Variants in NQO1 observed in about 807,000 individuals in gnomAD.
NQO1 encodes the protein NAD(P)H dehydrogenase [quinone] 1.
NQO1 carries 30 observed loss-of-function variants against 32.1 expected under a neutral mutation model. The observed-to-expected ratio is 0.94, with a 90% CI of 0.70 to 1.27. The LOEUF (loss-of-function observed/expected upper bound fraction) is 1.27. Ranked by LOEUF, NQO1 falls within the 50% of genes most tolerant of loss-of-function variation. The probability of loss-of-function intolerance (pLI) is 0.00; values close to 1 mark genes in which losing one functional copy is unlikely to be tolerated. For synonymous variants in NQO1, 109 were observed against 119.7 expected, an observed-to-expected ratio of 0.91 and a Z score of 0.59; for missense variants, 276 against 331.3, an observed-to-expected ratio of 0.83 and a Z score of 1.30.
chr16:69,717,630 GA>G (rs1420232509), intron 3 of NQO1, among the ~76,000 whole-genome samples: 1 of 147,886 alleles, frequency 6.8e-6, no homozygotes, highest in African/African-American at 2.5e-5. Context: ...TTTTGAGACA[GA>G]ATCTCGCTCT....
At chr16:69,723,018 C>T (rs1456379484) in intron 1 of NQO1, among the ~76,000 whole-genome samples, 1 of 152,164 alleles carries the variant, frequency 6.6e-6, no homozygotes, top group African/African-American at 2.4e-5. Context: ...AGCTCCGCCT[C>T]CCAGGTTCAC....
At chr16:69,718,302 C>T (rs2038142712) in intron 2 of NQO1, 49 bp from the exon 3 acceptor site, 3 of 1,612,626 alleles carry the variant, frequency 1.9e-6, no homozygotes, top group Non-Finnish European at 2.5e-6. Flanking sequence ...CAAAGCTGGG[C>T]CAGAGGACCC....
At chr16:69,724,491 C>CA (rs2038235212) in intron 1 of NQO1, among the ~76,000 whole-genome samples, 3 of 151,008 alleles carry the variant, frequency 2.0e-5, no homozygotes, top group African/African-American at 4.9e-5. Flanking sequence ...CCACTCCCAG[C>CA]CAAAATTTTT....
At chr16:69,711,397 C>T in intron 5 of NQO1, 116 bp from the exon 6 acceptor site, 1 of 805,476 alleles carries the variant, frequency 1.2e-6, no homozygotes, top group South Asian at 1.7e-5. Flanking sequence ...AGGCCTCAGG[C>T]ACACTAGAGA....
Position 69,718,609 on chromosome 16 carries a change from A to C in NQO1, c.8-75T>G. The C allele has an allele frequency of 2.0e-6, 3 of 1,512,550 alleles. No individual in the cohort carries two copies. In the South Asian group the frequency reaches 3.6e-5, roughly 18 times the overall value. The allele number at this position is 1,512,550 out of a possible 1,614,324, so 93.7% of individuals were successfully genotyped here. ...AAACCTTCAGCTACAGGGGAGTTGCAGTCTGTAAAGGAGGGGGCGGCTTTG... is the reference window on the plus strand; with the variant it reads ...AAACCTTCAGCTACAGGGGAGTTGCCGTCTGTAAAGGAGGGGGCGGCTTTG... On this transcript the variant is annotated intron_variant, in intron 1 of 5. Transcript: ENST00000320623.
At position 69,714,958 on chromosome 16, in the gene NQO1, A is replaced by G; in HGVS notation, c.417+6T>C. 1 of 1,601,236 alleles carries G rather than the reference A, an allele frequency of 6.2e-7. No homozygotes were observed. The highest frequency in any genetic ancestry group is 8.6e-7 in the Non-Finnish European group (1 of 1,168,580). On this transcript the variant is annotated splice_donor_region_variant and intron_variant, in intron 4 of 5. Transcript: ENST00000320623. ...GCTGTCAGAGCATTCAGAACCATCCACCTACCCGGAAGGGTCCTTTGTCAT... is the reference window on the plus strand; with the variant it reads ...GCTGTCAGAGCATTCAGAACCATCCGCCTACCCGGAAGGGTCCTTTGTCAT...
At chr16:69,717,309 C>T (rs1218458902) in intron 3 of NQO1, among the ~76,000 whole-genome samples, 1 of 152,164 alleles carries the variant, frequency 6.6e-6, no homozygotes, top group East Asian at 1.9e-4. Context: ...AGAAGAAAGG[C>T]CGTGGTTTGC....
Position 69,726,516 on chromosome 16 carries a change from G to T in NQO1, c.-77C>A. ...CGACCCTGGCCGGAACTAGGCTCTC[G>T]GTGAGCTGGGCGGCTCCGGCTGCAA... On this transcript the variant is annotated 5_prime_UTR_variant, in exon 1 of 6. Coordinates refer to ENST00000320623, the MANE Select transcript of NQO1 (RefSeq NM_000903.3). 6.3e-7 allele frequency: 1 copy of T among 1,580,688 alleles called. No homozygotes were observed. The highest frequency in any genetic ancestry group is 1.3e-5 in the African/African-American group (1 of 74,112).
rs1269652852 is a variant in NQO1 at position 69,726,515 on chromosome 16, C to A, written c.-76G>T. 12 of 1,581,644 alleles carry A rather than the reference C, an allele frequency of 7.6e-6. No homozygotes were observed. The highest frequency in any genetic ancestry group is 5.4e-5 in the African/African-American group (4 of 73,978). ...GCGACCCTGGCCGGAACTAGGCTCT[C>A]GGTGAGCTGGGCGGCTCCGGCTGCA... On this transcript the variant is annotated 5_prime_UTR_variant, in exon 1 of 6. Transcript: ENST00000320623.
At chr16:69,726,347 T>A in intron 1 of NQO1, 86 bp downstream of exon 1, 1 of 1,557,086 alleles carries the variant, frequency 6.4e-7, no homozygotes, top group East Asian at 2.3e-5. Flanking sequence ...AGGAACAAAA[T>A]TCAGGGCCAA....
chr16:69,712,229 C>G (rs1033727205), intron 5 of NQO1, among the ~76,000 whole-genome samples: 1 of 151,788 alleles, frequency 6.6e-6, no homozygotes, highest in Non-Finnish European at 1.5e-5. Context: ...AGGTGTATGA[C>G]TACACCCAGC....
At chr16:69,713,958 C>T (rs889946329) in intron 4 of NQO1, among the ~76,000 whole-genome samples, 3 of 146,940 alleles carry the variant, frequency 2.0e-5, no homozygotes, top group Admixed American at 7.2e-5. Context: ...TCACTGCAAC[C>T]TCTGCCTCCC....
intron 3 of NQO1, among the ~76,000 whole-genome samples, chr16:69,717,337 C>T (rs898551322): frequency 6.6e-6 from 1 of 152,194 alleles, no homozygotes; most frequent in African/African-American, 2.4e-5. Flanking sequence ...ACACATTCAG[C>T]AGGGTTTCAA....
rs952980498 is a variant in NQO1, at chr16:69,712,945, A to T, written c.519+83T>A. ...CGGGCGGAGCTTGTAGTGAACTAAG[A>T]TGGTGTCACTGCACTCCAGCCTAGA... On this transcript the variant is annotated intron_variant, in intron 5 of 5. Coordinates refer to ENST00000320623, the MANE Select transcript of NQO1 (RefSeq NM_000903.3). The T allele has an allele frequency of 8.8e-6, 10 of 1,132,320 alleles. No individual in the cohort carries two copies. The South Asian group carries it at 1.1e-4, about 12-fold the overall frequency. 70.1% of individuals were successfully genotyped at this position (1,132,320 alleles called of 1,614,324 possible). A position where few individuals can be genotyped will look rare whatever the true frequency, so the allele number is the denominator to read the frequency against.
At chr16:69,713,208 G>A (rs2038064397) in intron 4 of NQO1, 79 bp from the exon 5 acceptor site, 1 of 1,060,642 alleles carries the variant, frequency 9.4e-7, no homozygotes, top group African/African-American at 1.6e-5. Flanking sequence ...AACAGCTCCA[G>A]GGAAAAGAAC....
rs1348527260 is a variant in NQO1, at chr16:69,726,488, G to A, written c.-49C>T. The A allele has an allele frequency of 6.3e-7, 1 of 1,599,908 alleles. No individual in the cohort carries two copies. Among genetic ancestry groups the A allele is most frequent in the Admixed American group, 1.7e-5 (1 of 58,824 alleles). ...TGATTGGCTGGGCTCGTGGTTGCCG[G>A]GGCGACCCTGGCCGGAACTAGGCTC... On this transcript the variant is annotated 5_prime_UTR_variant, in exon 1 of 6. Coordinates refer to ENST00000320623, the MANE Select transcript of NQO1 (RefSeq NM_000903.3).
chr16:69,717,121 C>G (rs1439720477), intron 3 of NQO1, among the ~76,000 whole-genome samples: 2 of 151,626 alleles, frequency 1.3e-5, no homozygotes, highest in Admixed American at 1.3e-4. Context: ...AAAAACACAG[C>G]CTGTACCACC....
At chr16:69,714,926 G>A (rs2038092736) in intron 4 of NQO1, 38 bp downstream of exon 4, 5 of 1,424,146 alleles carry the variant, frequency 3.5e-6, no homozygotes, top group Non-Finnish European at 5.0e-6. Context: ...AGACCACCCA[G>A]AAGCTGGCTG....
At chr16:69,720,282 T>TA (rs2038171890) in intron 1 of NQO1, among the ~76,000 whole-genome samples, 1 of 151,566 alleles carries the variant, frequency 6.6e-6, no homozygotes. Context: ...TTTTAAAAAT[T>TA]AAAAAAATTA....
Sources: allele counts gnomAD v4.1 joint callset (sites outside exome capture counted in the v4.1 genomes callset), GRCh38; gene constraint gnomAD v4.1.1; transcripts MANE v1.5; gene names NCBI Gene and HGNC (gene_info 2026-07-23, HGNC 2026-07-21).